PIAS4: variants seen among roughly 807,000 people sequenced by gnomAD.
PIAS4 encodes E3 SUMO-protein ligase PIAS4.
Under a neutral mutation model 58.0 loss-of-function variants are expected in PIAS4, and 7 were observed. The observed-to-expected ratio is 0.12, with a 90% confidence interval of 0.07 to 0.23. The LOEUF (loss-of-function observed/expected upper bound fraction) is 0.23. Ranked by LOEUF, PIAS4 falls within the 10% of genes least tolerant of loss-of-function variation. PIAS4 has a pLI of 1.00. For synonymous variants in PIAS4, 364 were observed against 312.4 expected (o/e 1.17, Z -1.74); for missense variants, 550 against 709.5 (o/e 0.78, Z 2.55).
intron 1 of PIAS4, among the ~76,000 whole-genome samples, chr19:4,012,231 G>A (rs1271578721): frequency 3.3e-5 from 5 of 151,970 alleles, no homozygotes; most frequent in Non-Finnish European, 7.4e-5. Flanking sequence ...CATCCAGAGG[G>A]TAGTGTGGCA....
rs1173277679 is a variant in PIAS4 at position 4,037,244 on chromosome 19, C to T, written c.1143-130C>T. On this transcript the variant is annotated intron_variant, in intron 9 of 10. Transcript: ENST00000262971. The surrounding 1 kb of genome is among the most constrained non-coding windows in gnomAD (Gnocchi z 5.8). The stretch of plus-strand genomic sequence containing the variant: ...TGCGGGGTCCCTGGACCCCTGCGGT[C>T]GGGGTGGTGAGGCTGCTCTTGCAGA... 64 of 1,160,898 alleles carry T rather than the reference C, an allele frequency of 5.5e-5. No individual in the cohort carries two copies. Among genetic ancestry groups the T allele is most frequent in the Non-Finnish European group, 6.8e-5 (58 of 858,488 alleles). 71.9% of individuals were successfully genotyped at this position (1,160,898 alleles called of 1,614,324 possible).
In PIAS4 at chr19:4,021,501, C is replaced by G. The variant is rs531899900; in HGVS notation, c.455-2535C>G. 3.3e-5 allele frequency among the ~76,000 whole-genome samples: 5 copies of G among 152,158 alleles called. No homozygotes were observed. In the East Asian group the frequency reaches 7.7e-4, roughly 24 times the overall value. Reference sequence around the variant, plus strand: ...GGATTTCTACACAAATCGCAGGGGCCTGAAATACTGGCTGATATTTTGTGG... The same window carrying G: ...GGATTTCTACACAAATCGCAGGGGCGTGAAATACTGGCTGATATTTTGTGG... On this transcript the variant is annotated intron_variant, in intron 2 of 10. Coordinates refer to ENST00000262971, the MANE Select transcript of PIAS4 (RefSeq NM_015897.4).
At chr19:4,033,051 C>T in intron 7 of PIAS4, 49 bp from the exon 8 acceptor site, 1 of 1,473,182 alleles carries the variant, frequency 6.8e-7, no homozygotes, top group Non-Finnish European at 9.5e-7. Context: ...CAGCCCCGCG[C>T]CCTGCTGTTC....
intron 7 of PIAS4, among the ~76,000 whole-genome samples, chr19:4,032,302 GGGCCAGGTGGTGGATGGAGA>G (rs2040229840): frequency 1.3e-5 from 2 of 152,154 alleles, no homozygotes; most frequent in African/African-American, 4.8e-5. Flanking sequence ...AGGCAGCTGA[GGGCCAGGTGGTGGATGGAGA>G]GGCCCTGTGG....
At chr19:4,024,203 A>C in intron 3 of PIAS4, 83 bp downstream of exon 3, 1 of 943,980 alleles carries the variant, frequency 1.1e-6, no homozygotes, top group African/African-American at 1.6e-5. Context: ...GCCGGCAGCC[A>C]CGTCCACTGC....
chr19:4,029,061 C>T (rs565625902), intron 7 of PIAS4, 25 bp downstream of exon 7: 20 of 1,535,030 alleles, frequency 1.3e-5, no homozygotes, highest in East Asian at 2.4e-5. Flanking sequence ...CCACCTCGGC[C>T]GAGGGGTGCC....
At chr19:4,029,169 G>A in intron 7 of PIAS4, 133 bp downstream of exon 7, 3 of 657,460 alleles carry the variant, frequency 4.6e-6, no homozygotes, top group Non-Finnish European at 5.3e-6. Flanking sequence ...GGGGGTCCAT[G>A]GCCCCCCGGC....
chr19:4,033,068 TC>T (rs2040237664), intron 7 of PIAS4, 31 bp from the exon 8 acceptor site: 1 of 1,591,734 alleles, frequency 6.3e-7, no homozygotes, highest in Non-Finnish European at 8.6e-7. Context: ...GTTCCCACCC[TC>T]CTGACGGTGT....
chr19:4,024,758 T>C (rs557186617), intron 3 of PIAS4, among the ~76,000 whole-genome samples: 112 of 22,976 alleles, frequency 4.9e-3, no homozygotes, highest in Non-Finnish European at 8.2e-3. Flanking sequence ...TCAGGTGTTT[T>C]TTTGTTTTTT....
Position 4,037,524 on chromosome 19 carries a change from A to G in PIAS4, c.1273+20A>G. 2.5e-6 allele frequency: 4 copies of G among 1,609,322 alleles called. No homozygotes were observed. The highest frequency in any genetic ancestry group is 3.4e-6 in the Non-Finnish European group (4 of 1,179,566). On this transcript the variant is annotated intron_variant, in intron 10 of 10. Coordinates refer to ENST00000262971, the MANE Select transcript of PIAS4 (RefSeq NM_015897.4). This position sits in a 1 kb window ranked among gnomAD's most constrained non-coding sequence, Gnocchi z 5.8. ...TGCTGGGTGAGTGCCTCACCCCACC[A>G]GCCGCGCAGTCCGCAGCCAGGGCCG...
chr19:4,017,302 C>G (rs1319083936), intron 2 of PIAS4, among the ~76,000 whole-genome samples: 1 of 152,154 alleles, frequency 6.6e-6, no homozygotes, highest in Non-Finnish European at 1.5e-5. Flanking sequence ...CTGTGGCCCC[C>G]TGCCCTGCCC....
intron 1 of PIAS4, among the ~76,000 whole-genome samples, chr19:4,010,626 C>T (rs538018956): frequency 3.3e-5 from 5 of 152,346 alleles, no homozygotes; most frequent in African/African-American, 1.2e-4. Flanking sequence ...GGGCAGCAGA[C>T]GGGAACACCC....
In PIAS4 at chr19:4,037,366, C is replaced by G. The variant is rs937589612; in HGVS notation, c.1143-8C>G. The G allele has an allele frequency of 1.9e-6, 3 of 1,597,064 alleles. No homozygotes were observed. Among genetic ancestry groups the G allele is most frequent in the Non-Finnish European group, 1.7e-6 (2 of 1,169,098 alleles). ...CAGCCCCGGCGTCAGCTGTCCGCCTCGCCCCAGGCTCCTCTCGAAGATCCT... is the reference window on the plus strand; with the variant it reads ...CAGCCCCGGCGTCAGCTGTCCGCCTGGCCCCAGGCTCCTCTCGAAGATCCT... On this transcript the variant is annotated splice_polypyrimidine_tract_variant and splice_region_variant and intron_variant, in intron 9 of 10. Transcript: ENST00000262971. The surrounding 1 kb of genome is among the most constrained non-coding windows in gnomAD (Gnocchi z 5.8).
intron 1 of PIAS4, 78 bp downstream of exon 1, chr19:4,007,865 C>G: frequency 1.8e-6 from 2 of 1,117,974 alleles, no homozygotes; most frequent in Non-Finnish European, 2.2e-6. Context: ...AGGTCTGCGC[C>G]TTCTGTCCGG....
chr19:4,036,738 C>G (rs1380617754), intron 9 of PIAS4, among the ~76,000 whole-genome samples: 1 of 151,520 alleles, frequency 6.6e-6, no homozygotes, highest in African/African-American at 2.4e-5. Flanking sequence ...TCCACACCAT[C>G]ACATGCACAC....
rs1568224062 is a variant in PIAS4, at chr19:4,038,164, CG to C, written c.*290del. On this transcript the variant is annotated 3_prime_UTR_variant, in exon 11 of 11. Transcript: ENST00000262971. The surrounding 1 kb of genome is among the most constrained non-coding windows in gnomAD (Gnocchi z 4.1). ...CACAGCCGCCTCCCCGGCTGGAGTCCGAGCCGGGAAGGGGTAGTGGGCGGGA... is the reference window on the plus strand; with the variant it reads ...CACAGCCGCCTCCCCGGCTGGAGTCCAGCCGGGAAGGGGTAGTGGGCGGGA... 2.7e-6 allele frequency: 1 copy of C among 370,400 alleles called. No homozygotes were observed. Among genetic ancestry groups the C allele is most frequent in the Non-Finnish European group, 4.9e-6 (1 of 204,320 alleles). 22.9% of individuals were successfully genotyped at this position (370,400 alleles called of 1,614,324 possible). A position where few individuals can be genotyped will look rare whatever the true frequency, so the allele number is the denominator to read the frequency against.
At position 4,033,084 on chromosome 19, in the gene PIAS4, C is replaced by T. The variant is rs367566208; in HGVS notation, c.908-16C>T. On this transcript the variant is annotated splice_polypyrimidine_tract_variant and intron_variant, in intron 7 of 10. Coordinates refer to ENST00000262971, the MANE Select transcript of PIAS4 (RefSeq NM_015897.4). ...TTCCCACCCTCCTGACGGTGTCTTC[C>T]GTTCCCTCCCCACAGTCAAGGAGAA... 9.3e-6 allele frequency: 15 copies of T among 1,608,426 alleles called. No individual in the cohort carries two copies. The East Asian group carries it at 1.1e-4, about 12-fold the overall frequency.
At chr19:4,021,580 G>A (rs78781371) in intron 2 of PIAS4, among the ~76,000 whole-genome samples, 11,253 of 152,158 alleles carry the variant, frequency 0.074, 593 homozygotes, top group South Asian at 0.18. Flanking sequence ...TTCCTTCCTT[G>A]ATGCTGAGTT....
chr19:4,010,344 G>A lies in PIAS4; in HGVS notation c.27+2557G>A, dbSNP rs3760901. 5.3e-5 allele frequency among the ~76,000 whole-genome samples: 8 copies of A among 152,340 alleles called. No individual in the cohort carries two copies. The East Asian group carries it at 1.3e-3, about 26-fold the overall frequency. ...CAGCCTGGGTGGGGCAGGGGCTCCC[G>A]GGGTGCGAGGATGTCAGCAGGTTCC... On this transcript the variant is annotated intron_variant, in intron 1 of 10. Coordinates refer to ENST00000262971, the MANE Select transcript of PIAS4 (RefSeq NM_015897.4).
Sources: allele counts gnomAD v4.1 joint callset (sites outside exome capture counted in the v4.1 genomes callset), GRCh38; gene constraint gnomAD v4.1.1; non-coding constraint Gnocchi (gnomAD v3.1); transcripts MANE v1.5; gene names NCBI Gene and HGNC (gene_info 2026-07-23, HGNC 2026-07-21).